Variants in TBCA observed in about 807,000 individuals in gnomAD.
TBCA encodes tubulin-specific chaperone A.
In TBCA, 6 loss-of-function variants were observed where a neutral mutation model predicts 15.8. The ratio of observed to expected loss-of-function variants is 0.38; its 90% confidence interval spans 0.21 to 0.75. The LOEUF (loss-of-function observed/expected upper bound fraction) is 0.75. TBCA is among the 30% of genes least tolerant of loss of function. TBCA has a pLI of 0.46. For missense variants in TBCA, 90 were observed against 131.2 expected (o/e 0.69, Z 1.53); for synonymous variants, 32 against 42.3 (o/e 0.76, Z 0.94).
intron 1 of TBCA, among the ~76,000 whole-genome samples, chr5:77,731,123 C>G (rs1038348616): frequency 1.3e-5 from 2 of 152,136 alleles, no homozygotes; most frequent in East Asian, 1.9e-4. Context: ...GACAAGTGGC[C>G]TTCTACGAAT....
chr5:77,763,176 G>A (rs12654597), intron 1 of TBCA, among the ~76,000 whole-genome samples: 27,082 of 152,042 alleles, frequency 0.18, 2,654 homozygotes, highest in African/African-American at 0.25. Context: ...CCCGGGAGGC[G>A]GAGCTTGCAG....
At chr5:77,736,987 A>G (rs1253300478) in intron 1 of TBCA, among the ~76,000 whole-genome samples, 1 of 152,236 alleles carries the variant, frequency 6.6e-6, no homozygotes, top group African/African-American at 2.4e-5. Context: ...CTAAAGGCAT[A>G]TATGTATACA....
chr5:77,757,490 G>A (rs3898158), intron 1 of TBCA, among the ~76,000 whole-genome samples: 16 of 152,262 alleles, frequency 1.1e-4, no homozygotes, highest in Non-Finnish European at 2.1e-4. Context: ...TAAAATTCCA[G>A]AAAAGGAGTT....
chr5:77,760,735 C>A (rs1390426524), intron 1 of TBCA, among the ~76,000 whole-genome samples: 1 of 152,214 alleles, frequency 6.6e-6, no homozygotes, highest in Non-Finnish European at 1.5e-5. Context: ...CAATGTTGCC[C>A]AGGCTGGAGT....
chr5:77,704,724 T>A (rs1746107438), intron 2 of TBCA, among the ~76,000 whole-genome samples: 2 of 151,634 alleles, frequency 1.3e-5, no homozygotes, highest in Non-Finnish European at 2.9e-5. Flanking sequence ...GGAAAAGAAA[T>A]TAAGAAATGT....
chr5:77,770,762 C>T (rs979071976), intron 1 of TBCA, among the ~76,000 whole-genome samples: 4 of 151,634 alleles, frequency 2.6e-5, no homozygotes, highest in Non-Finnish European at 5.9e-5. Flanking sequence ...GAGCCAGCTA[C>T]ACCCAAACCT....
intron 1 of TBCA, among the ~76,000 whole-genome samples, chr5:77,725,672 T>G (rs1010875670): frequency 2.6e-5 from 4 of 152,210 alleles, no homozygotes; most frequent in African/African-American, 9.6e-5. Context: ...CGTTCCTCCG[T>G]AATGTGTGTT....
At chr5:77,754,293 T>C (rs1747423778) in intron 1 of TBCA, among the ~76,000 whole-genome samples, 1 of 152,230 alleles carries the variant, frequency 6.6e-6, no homozygotes, top group South Asian at 2.1e-4. Flanking sequence ...TACATCTCTC[T>C]TACTTCCTGG....
chr5:77,762,501 T>C lies in TBCA; in HGVS notation c.53+13704A>G, dbSNP rs553504223. On this transcript the variant is annotated intron_variant, in intron 1 of 3. Transcript: ENST00000380377. ...GTTTTTAAATCTATGGCATTGGCAA[T>C]TATAAACCACACGGTATTGGGTTAA... is the stretch of plus-strand genomic sequence containing the variant. Among the ~76,000 whole-genome samples the C allele has an allele frequency of 3.9e-5, 6 of 152,292 alleles. No individual in the cohort carries two copies. In the South Asian group the frequency reaches 1.2e-3, roughly 32 times the overall value.
chr5:77,758,997 T>C (rs1008175617), intron 1 of TBCA, among the ~76,000 whole-genome samples: 4 of 152,156 alleles, frequency 2.6e-5, no homozygotes, highest in Non-Finnish European at 5.9e-5. Flanking sequence ...CCGATTATCA[T>C]TTTTAGAGAG....
At chr5:77,765,377 A>T (rs1747746710) in intron 1 of TBCA, among the ~76,000 whole-genome samples, 1 of 152,240 alleles carries the variant, frequency 6.6e-6, no homozygotes, top group African/African-American at 2.4e-5. Flanking sequence ...CCTAGTAAAC[A>T]GAACAAATAG....
intron 2 of TBCA, among the ~76,000 whole-genome samples, chr5:77,697,963 T>TA (rs35144081): frequency 0.23 from 35,371 of 151,462 alleles, 4,745 homozygotes; most frequent in Non-Finnish European, 0.31. Context: ...ACCCCATCTC[T>TA]CAAAAAATTA....
At chr5:77,750,757 G>A (rs905039354) in intron 1 of TBCA, among the ~76,000 whole-genome samples, 158 of 152,282 alleles carry the variant, frequency 1.0e-3, no homozygotes, top group Non-Finnish European at 1.7e-3. Context: ...ACAGACTTCA[G>A]GAGGTCCTGA....
At chr5:77,762,034 G>C (rs1036882978) in intron 1 of TBCA, among the ~76,000 whole-genome samples, 1 of 152,114 alleles carries the variant, frequency 6.6e-6, no homozygotes, top group African/African-American at 2.4e-5. Flanking sequence ...AAGTCTAATA[G>C]GCCCCCACCA....
intron 1 of TBCA, among the ~76,000 whole-genome samples, chr5:77,719,535 T>A (rs1043068181): frequency 1.3e-5 from 2 of 152,210 alleles, no homozygotes; most frequent in African/African-American, 4.8e-5. Context: ...TTATAGTTTC[T>A]CAGTAACCAT....
At chr5:77,694,817 T>C (rs1316595636) in intron 2 of TBCA, among the ~76,000 whole-genome samples, 1 of 152,216 alleles carries the variant, frequency 6.6e-6, no homozygotes. Context: ...ACAAAGAAGT[T>C]CTTTATTCAC....
intron 1 of TBCA, among the ~76,000 whole-genome samples, chr5:77,766,656 C>T (rs1379257088): frequency 1.2e-5 from 1 of 84,406 alleles, no homozygotes; most frequent in Non-Finnish European, 2.5e-5. Context: ...ACCACAGGCG[C>T]CCGCCACTGC....
chr5:77,746,512 T>C (rs1318040805), intron 1 of TBCA, among the ~76,000 whole-genome samples: 1 of 152,240 alleles, frequency 6.6e-6, no homozygotes, highest in Non-Finnish European at 1.5e-5. Context: ...GCCCCAATAC[T>C]ACCTTGAATC....
At chr5:77,772,394 G>A (rs1271077245) in intron 1 of TBCA, among the ~76,000 whole-genome samples, 3 of 151,992 alleles carry the variant, frequency 2.0e-5, no homozygotes, top group African/African-American at 4.8e-5. Context: ...GTCGACAGGT[G>A]CAGCATATCA....
Sources: allele counts gnomAD v4.1 joint callset (sites outside exome capture counted in the v4.1 genomes callset), GRCh38; gene constraint gnomAD v4.1.1; transcripts MANE v1.5; gene names NCBI Gene and HGNC (gene_info 2026-07-23, HGNC 2026-07-21).